CFAP299: variants seen among roughly 807,000 people sequenced by gnomAD.
The protein encoded by CFAP299 is cilia and flagella associated protein 299.
In CFAP299, 21 loss-of-function variants were observed where a neutral mutation model predicts 27.0. The ratio of observed to expected loss-of-function variants is 0.78; its 90% CI spans 0.55 to 1.12. The LOEUF is 1.12. CFAP299 is among the 50% of genes most tolerant of loss of function. The pLI, the probability that CFAP299 is intolerant of heterozygous loss-of-function variation, is 0.00. For missense variants in CFAP299, 310 were observed against 276.6 expected (o/e 1.12, Z -0.86); for synonymous variants, 104 against 98.1 (o/e 1.06, Z -0.36).
intron 2 of CFAP299, among the ~76,000 whole-genome samples, chr4:80,394,770 G>T (rs1203399543): frequency 6.6e-6 from 1 of 151,952 alleles, no homozygotes; most frequent in South Asian, 2.1e-4. Flanking sequence ...TTCTGTTCTG[G>T]TTCATTGGCT....
At chr4:80,730,764 G>T (rs2110055211) in intron 3 of CFAP299, among the ~76,000 whole-genome samples, 1 of 152,250 alleles carries the variant, frequency 6.6e-6, no homozygotes, top group African/African-American at 2.4e-5. Flanking sequence ...AGGTAATTTG[G>T]GGCAATGTAT....
intron 3 of CFAP299, among the ~76,000 whole-genome samples, chr4:80,622,418 C>T (rs1738654462): frequency 6.6e-6 from 1 of 152,142 alleles, no homozygotes; most frequent in South Asian, 2.1e-4. Context: ...GAGTTAGATC[C>T]ACAGAATATT....
At chr4:80,721,337 A>G (rs1394165645) in intron 3 of CFAP299, among the ~76,000 whole-genome samples, 1 of 152,198 alleles carries the variant, frequency 6.6e-6, no homozygotes, top group East Asian at 1.9e-4. Context: ...GCTTAAACAA[A>G]AGAAATTTAT....
intron 3 of CFAP299, among the ~76,000 whole-genome samples, chr4:80,662,898 A>G (rs1446329243): frequency 6.6e-6 from 1 of 152,140 alleles, no homozygotes; most frequent in African/African-American, 2.4e-5. Context: ...CCAAGTCCCA[A>G]GTGCTGCAAA....
At chr4:80,871,538 T>G in intron 4 of CFAP299, 2 of 985,468 alleles carry the variant, frequency 2.0e-6, no homozygotes, top group Non-Finnish European at 2.4e-6. Flanking sequence ...TGAAGCCTGC[T>G]ATTGCTTCTG....
chr4:80,384,704 G>T (rs528761981), intron 2 of CFAP299, among the ~76,000 whole-genome samples: 2 of 152,178 alleles, frequency 1.3e-5, no homozygotes, highest in Admixed American at 6.5e-5. Context: ...CATGAACCAA[G>T]AATTTTGAAG....
At chr4:80,505,759 A>C (rs1195759229) in intron 2 of CFAP299, among the ~76,000 whole-genome samples, 2 of 152,106 alleles carry the variant, frequency 1.3e-5, no homozygotes, top group Non-Finnish European at 2.9e-5. Context: ...ATTGCCTCAT[A>C]AAGAAATCTC....
In CFAP299 at chr4:80,771,611, G is replaced by A. The variant is rs989422875; in HGVS notation, c.334-98382G>A. Among the ~76,000 whole-genome samples the A allele has an allele frequency of 5.3e-5, 8 of 152,282 alleles. No individual in the cohort carries two copies. The South Asian group carries it at 1.7e-3, about 32-fold the overall frequency. ...GCTTTTCTGTCCCTTTTAAGTAACA[G>A]GGTGACTATAAGCATCTAGGGCTGA... On this transcript the variant is annotated intron_variant, in intron 3 of 5. Transcript: ENST00000358105.
chr4:80,809,139 C>T (rs1729013377), intron 3 of CFAP299, among the ~76,000 whole-genome samples: 1 of 152,132 alleles, frequency 6.6e-6, no homozygotes, highest in South Asian at 2.1e-4. Context: ...CTGGGGCTAT[C>T]TAATTTAGAG....
At chr4:80,489,073 T>C (rs980434717) in intron 2 of CFAP299, among the ~76,000 whole-genome samples, 14 of 152,312 alleles carry the variant, frequency 9.2e-5, no homozygotes, top group African/African-American at 3.4e-4. Context: ...TTAGACTTAA[T>C]AGAACCTTAA....
chr4:80,783,664 A>G (rs190920768), intron 3 of CFAP299, among the ~76,000 whole-genome samples: 95 of 152,312 alleles, frequency 6.2e-4, no homozygotes, highest in African/African-American at 2.0e-3. Flanking sequence ...CAAAGTGCTT[A>G]TACATATATT....
At chr4:80,630,936 A>G (rs946087085) in intron 3 of CFAP299, among the ~76,000 whole-genome samples, 20 of 152,080 alleles carry the variant, frequency 1.3e-4, no homozygotes, top group Admixed American at 1.3e-4. Context: ...ACCCTCACCA[A>G]TTTCCACTAA....
intron 4 of CFAP299, chr4:80,871,377 T>G: frequency 1.0e-6 from 1 of 985,478 alleles, no homozygotes; most frequent in Non-Finnish European, 1.2e-6. Flanking sequence ...TCACTGCACT[T>G]GTAGCTACCC....
chr4:80,743,454 ATGG>A (rs1560729433), intron 3 of CFAP299, among the ~76,000 whole-genome samples: 1 of 152,118 alleles, frequency 6.6e-6, no homozygotes. Context: ...AATATATTTG[ATGG>A]TGGTGATTAA....
intron 3 of CFAP299, among the ~76,000 whole-genome samples, chr4:80,829,958 T>C (rs986088744): frequency 3.3e-5 from 5 of 152,042 alleles, no homozygotes; most frequent in Non-Finnish European, 7.4e-5. Flanking sequence ...TTAAAGGGTA[T>C]AGAATTGCAG....
At chr4:80,578,821 G>A (rs1221515126) in intron 2 of CFAP299, among the ~76,000 whole-genome samples, 1 of 152,054 alleles carries the variant, frequency 6.6e-6, no homozygotes, top group Non-Finnish European at 1.5e-5. Context: ...ATTATCTTGT[G>A]CTATTATTTA....
At chr4:80,435,799 C>T (rs924814362) in intron 2 of CFAP299, among the ~76,000 whole-genome samples, 2 of 152,206 alleles carry the variant, frequency 1.3e-5, no homozygotes, top group African/African-American at 4.8e-5. Context: ...TACCATGTGT[C>T]TATCAATTCC....
At chr4:80,592,428 A>G (rs1009469449) in intron 3 of CFAP299, among the ~76,000 whole-genome samples, 7 of 152,190 alleles carry the variant, frequency 4.6e-5, no homozygotes, top group African/African-American at 1.4e-4. Flanking sequence ...AACAAGTACC[A>G]TGGCTTTCAT....
At chr4:80,570,649 G>C (rs1195146431) in intron 2 of CFAP299, among the ~76,000 whole-genome samples, 1 of 152,112 alleles carries the variant, frequency 6.6e-6, no homozygotes, top group Non-Finnish European at 1.5e-5. Context: ...TCATAGTGAA[G>C]TGTAAATTGG....
Sources: gnomAD v4.1 joint callset for allele counts (sites outside exome capture counted in the v4.1 genomes callset) on GRCh38, gnomAD v4.1.1 for gene constraint, MANE v1.5 for transcripts, NCBI Gene and HGNC (gene_info 2026-07-23, HGNC 2026-07-21) for gene names.